The following DOK6 variants were observed in gnomAD, a reference collection of about 807,000 sequenced individuals.
The protein encoded by DOK6 is docking protein 6.
Under a neutral mutation model 44.0 loss-of-function variants are expected in DOK6, and 22 were observed. The ratio of observed to expected loss-of-function variants is 0.50; its 90% CI spans 0.36 to 0.71. The LOEUF is 0.71. DOK6 is among the 30% of genes least tolerant of loss of function. The probability of loss-of-function intolerance (pLI) is 0.00; values close to 1 mark genes in which losing one functional copy is unlikely to be tolerated. For synonymous variants in DOK6, 166 were observed against 145.5 expected (o/e 1.14, Z -1.01); for missense variants, 340 against 416.4 (o/e 0.82, Z 1.60).
chr18:69,727,169 T>C (rs1353265431), intron 5 of DOK6, among the ~76,000 whole-genome samples: 3 of 152,116 alleles, frequency 2.0e-5, no homozygotes, highest in African/African-American at 7.2e-5. Context: ...TAGGTCTCTT[T>C]TATAAGGGCA....
intron 3 of DOK6, among the ~76,000 whole-genome samples, chr18:69,603,976 A>G (rs2144625455): frequency 6.6e-6 from 1 of 152,242 alleles, no homozygotes; most frequent in Middle Eastern, 3.4e-3. Context: ...TAACTAGGAT[A>G]ATTTCAAAAT....
At chr18:69,739,879 C>T (rs1226703034) in intron 6 of DOK6, among the ~76,000 whole-genome samples, 1 of 152,042 alleles carries the variant, frequency 6.6e-6, no homozygotes. Flanking sequence ...CTTTGTGAAA[C>T]ATCAGTAAGT....
intron 2 of DOK6, among the ~76,000 whole-genome samples, chr18:69,568,033 C>T (rs779447227): frequency 8.5e-5 from 13 of 152,176 alleles, no homozygotes; most frequent in South Asian, 2.1e-4. Context: ...TCTGGCTCCC[C>T]GCGGCCTGCC....
intron 1 of DOK6, among the ~76,000 whole-genome samples, chr18:69,417,252 C>T (rs535360804): frequency 2.0e-5 from 3 of 152,114 alleles, no homozygotes; most frequent in South Asian, 4.1e-4. Context: ...CTGGTACCCA[C>T]CATTCTATCC....
chr18:69,659,046 T>G (rs1265147009), intron 3 of DOK6, among the ~76,000 whole-genome samples: 1 of 152,246 alleles, frequency 6.6e-6, no homozygotes, highest in Admixed American at 6.5e-5. Flanking sequence ...AATTGAAAAT[T>G]TCCTTAACAC....
intron 1 of DOK6, among the ~76,000 whole-genome samples, chr18:69,470,960 T>G (rs186608005): frequency 6.6e-6 from 1 of 151,926 alleles, no homozygotes; most frequent in Admixed American, 6.6e-5. Flanking sequence ...TTTTTTAAAG[T>G]GTGATGTAGC....
intron 3 of DOK6, chr18:69,663,238 G>A (rs776764178): frequency 2.0e-5 from 3 of 152,152 alleles, no homozygotes; most frequent in Non-Finnish European, 4.4e-5. Flanking sequence ...CATTGCTTCA[G>A]GGTCCTGACT....
chr18:69,618,988 A>G (rs1313914200), intron 3 of DOK6, among the ~76,000 whole-genome samples: 2 of 152,360 alleles, frequency 1.3e-5, no homozygotes, highest in East Asian at 3.9e-4. Context: ...ACACAACACA[A>G]AATGCCTAAA....
chr18:69,643,606 GC>G (rs1477413064), intron 3 of DOK6: 2 of 152,002 alleles, frequency 1.3e-5, no homozygotes, highest in Non-Finnish European at 2.9e-5. Context: ...CCATTTTATT[GC>G]TAAACATTCC....
intron 1 of DOK6, among the ~76,000 whole-genome samples, chr18:69,524,390 A>C (rs879799348): frequency 1.3e-5 from 2 of 152,020 alleles, no homozygotes; most frequent in Admixed American, 1.3e-4. Flanking sequence ...TATGCAATTT[A>C]AAGTTTTGTT....
At chr18:69,592,983 CA>C (rs1298649411) in intron 2 of DOK6, among the ~76,000 whole-genome samples, 4 of 151,868 alleles carry the variant, frequency 2.6e-5, no homozygotes, top group Non-Finnish European at 4.4e-5. Context: ...ATAGTATTGA[CA>C]GTAAAAAAAG....
chr18:69,677,998 C>A, intron 4 of DOK6, 145 bp downstream of exon 4: 1 of 1,318,988 alleles, frequency 7.6e-7, no homozygotes, highest in Non-Finnish European at 9.9e-7. Context: ...CCTGTAATCC[C>A]TGCATTTTGG....
At chr18:69,407,292 G>T (rs1916223025) in intron 1 of DOK6, among the ~76,000 whole-genome samples, 1 of 152,132 alleles carries the variant, frequency 6.6e-6, no homozygotes, top group Admixed American at 6.5e-5. Context: ...AAACAAAATT[G>T]AAATTATCTG....
At chr18:69,752,360 C>CATAA (rs1281914823) in intron 6 of DOK6, among the ~76,000 whole-genome samples, 12 of 152,232 alleles carry the variant, frequency 7.9e-5, no homozygotes, top group Middle Eastern at 3.4e-3. Flanking sequence ...CATAATTCTA[C>CATAA]TTATACATAC....
At chr18:69,660,722 G>A (rs913705185) in intron 3 of DOK6, 4 of 148,248 alleles carry the variant, frequency 2.7e-5, no homozygotes, top group Non-Finnish European at 5.9e-5. Context: ...CCAGGCTGGA[G>A]TACAGTGGCT....
chr18:69,407,585 A>C (rs1028800282), intron 1 of DOK6, among the ~76,000 whole-genome samples: 3 of 152,242 alleles, frequency 2.0e-5, no homozygotes, highest in Non-Finnish European at 4.4e-5. Flanking sequence ...TTTAAGATAC[A>C]GAGCAGTATT....
intron 2 of DOK6, among the ~76,000 whole-genome samples, chr18:69,576,866 A>C (rs866895223): frequency 5.9e-5 from 9 of 152,204 alleles, no homozygotes; most frequent in African/African-American, 1.9e-4. Context: ...AGCAGATGAA[A>C]AAGTAGCAGT....
chr18:69,536,183 C>T (rs1568289094), intron 1 of DOK6, among the ~76,000 whole-genome samples: 1 of 152,132 alleles, frequency 6.6e-6, no homozygotes, highest in African/African-American at 2.4e-5. Context: ...TCTACAAGCC[C>T]TTCTTGAAAC....
intron 5 of DOK6, among the ~76,000 whole-genome samples, chr18:69,733,377 G>T (rs1270563822): frequency 1.3e-5 from 2 of 152,042 alleles, no homozygotes; most frequent in Non-Finnish European, 2.9e-5. Context: ...TACATGCAAA[G>T]ATGCATATAA....
Sources: allele counts gnomAD v4.1 joint callset (sites outside exome capture counted in the v4.1 genomes callset), GRCh38; gene constraint gnomAD v4.1.1; transcripts MANE v1.5; gene names NCBI Gene and HGNC (gene_info 2026-07-23, HGNC 2026-07-21).